CACNA1S: variants seen among roughly 807,000 people sequenced by gnomAD.
CACNA1S encodes voltage-dependent L-type calcium channel subunit alpha-1S.
Under a neutral mutation model 207.4 loss-of-function variants are expected in CACNA1S, and 126 were observed. The ratio of observed to expected loss-of-function variants is 0.61; its 90% CI spans 0.53 to 0.70. The LOEUF (loss-of-function observed/expected upper bound fraction) is 0.70. CACNA1S is among the 30% of genes least tolerant of loss of function. The pLI is 0.00. For missense variants in CACNA1S, 2,349 were observed against 2,422.8 expected (o/e 0.97, Z 0.64); for synonymous variants, 960 against 932.7 (o/e 1.03, Z -0.53).
intron 8 of CACNA1S, 146 bp from the exon 9 acceptor site, chr1:201,085,177 C>T: frequency 2.6e-6 from 2 of 758,656 alleles, no homozygotes; most frequent in Admixed American, 4.1e-5. Context: ...TTCGTGCTTT[C>T]CAGAGACTGA....
intron 13 of CACNA1S, among the ~76,000 whole-genome samples, 167 bp downstream of exon 13, chr1:201,075,328 T>A (rs981533762): frequency 6.6e-6 from 1 of 152,220 alleles, no homozygotes; most frequent in Non-Finnish European, 1.5e-5. Context: ...ATCCTACAGC[T>A]GTACCTGCAT....
chr1:201,103,224 T>C (rs7412462), intron 2 of CACNA1S, among the ~76,000 whole-genome samples: 103,029 of 147,720 alleles, frequency 0.7, 36,693 homozygotes, highest in African/African-American at 0.86. Context: ...CCAGTCTGGG[T>C]GACAGAGGAG....
chr1:201,084,956 T>A lies in CACNA1S; in HGVS notation c.1226A>T (p.Gln409Leu). ...YEIAGLNKIIQFIRHWRQWNR... is the reference protein window; with the variant it reads ...YEIAGLNKIILFIRHWRQWNR... ...GCAGTGGGCAGATACTCACATGAAC[T>A]GGATGATTTTGTTCAAGCCTGCAAT... is the stretch of plus-strand genomic sequence containing the variant. The change falls in exon 9 of 44, where the codon CAG becomes CTG. Residue 409 changes from glutamine to leucine, a missense_variant. Physicochemically the swap from Gln to Leu is moderately radical, Grantham distance 113. Coordinates refer to ENST00000362061, the MANE Select transcript of CACNA1S (RefSeq NM_000069.3). 1.2e-6 allele frequency: 2 copies of A among 1,611,402 alleles called. No homozygotes were observed. Among genetic ancestry groups the A allele is most frequent in the Non-Finnish European group, 1.7e-6 (2 of 1,178,352 alleles).
intron 28 of CACNA1S, 76 bp downstream of exon 28, chr1:201,058,332 A>T (rs1270123667): frequency 8.0e-7 from 1 of 1,253,204 alleles, no homozygotes; most frequent in East Asian, 2.3e-5. Context: ...CACAGTGGGC[A>T]CCCCACAAAT....
At chr1:201,104,782 A>C (rs1382140684) in intron 2 of CACNA1S, among the ~76,000 whole-genome samples, 1 of 152,208 alleles carries the variant, frequency 6.6e-6, no homozygotes, top group African/African-American at 2.4e-5. Context: ...GAAGTCTGAT[A>C]ATTGTTTTTG....
chr1:201,040,167 AC>A, intron 43 of CACNA1S, 63 bp downstream of exon 43: 1 of 1,611,976 alleles, frequency 6.2e-7, no homozygotes, highest in Non-Finnish European at 8.5e-7. Flanking sequence ...CCCTCTCTCC[AC>A]GCCAGGCCAT....
intron 38 of CACNA1S, 64 bp from the exon 39 acceptor site, chr1:201,044,520 T>C (rs1224901968): frequency 6.3e-7 from 1 of 1,586,046 alleles, no homozygotes; most frequent in Non-Finnish European, 8.6e-7. Flanking sequence ...AACCACTTTT[T>C]CTTTTTTTGA....
Position 201,043,482 on chromosome 1 carries a change from T to G in CACNA1S, c.4847A>C (p.Asn1616Thr). 6.2e-7 allele frequency: 1 copy of G among 1,613,368 alleles called. No individual in the cohort carries two copies. Among genetic ancestry groups the G allele is most frequent in the Non-Finnish European group, 8.5e-7 (1 of 1,179,856 alleles). Reference protein sequence around the residue: ...GQVDNFLERTNSLPPVMANQR... With the variant: ...GQVDNFLERTTSLPPVMANQR... Reference sequence around the variant, plus strand: ...ATTGGCCATGACGGGGGGCAGGGAGTTGGTCCTTTCCAGGAAGTTGTCCAC... The same window carrying G: ...ATTGGCCATGACGGGGGGCAGGGAGGTGGTCCTTTCCAGGAAGTTGTCCAC... Residue 1616 changes from asparagine (N) to threonine (T), a missense_variant, in exon 40 of 44, where the codon AAC (asparagine) becomes ACC (threonine). Physicochemically the swap from Asn to Thr is moderately conservative, Grantham distance 65 (BLOSUM62 0). Coordinates refer to ENST00000362061, the MANE Select transcript of CACNA1S (RefSeq NM_000069.3).
intron 10 of CACNA1S, among the ~76,000 whole-genome samples, chr1:201,081,435 A>G (rs966430678): frequency 1.3e-5 from 2 of 152,192 alleles, no homozygotes; most frequent in Non-Finnish European, 2.9e-5. Context: ...CTTTTCTCGT[A>G]TCCTACTCGT....
chr1:201,091,691 GC>G lies in CACNA1S; in HGVS notation c.642del (p.Leu215TrpfsTer119). The G allele has an allele frequency of 6.2e-7, 1 of 1,614,222 alleles. No individual in the cohort carries two copies. The highest frequency in any genetic ancestry group is 8.5e-7 in the Non-Finnish European group (1 of 1,180,034). ...LFMVIIYAII[G>X]LELFKGKMHK... ...TGCATCTTGCCCTTGAAGAGCTCCA[GC>G]CCGATGATGGCATAGATGATGACCA... On this transcript the variant is annotated frameshift_variant, in exon 5 of 44. Transcript: ENST00000362061. LOFTEE classifies it high-confidence loss of function.
At chr1:201,087,709 C>T (rs1662084272) in intron 7 of CACNA1S, 117 bp downstream of exon 7, 2 of 731,922 alleles carry the variant, frequency 2.7e-6, no homozygotes, top group Non-Finnish European at 4.8e-6. Context: ...CTCTCCTCCT[C>T]CTCTCCACTC....
intron 2 of CACNA1S, among the ~76,000 whole-genome samples, chr1:201,104,352 C>G (rs12146106): frequency 6.6e-6 from 1 of 152,128 alleles, no homozygotes; most frequent in Non-Finnish European, 1.5e-5. Flanking sequence ...AGAACTACTT[C>G]CCCTCCCCAA....
At chr1:201,098,843 TTA>T (rs1662535385) in intron 2 of CACNA1S, among the ~76,000 whole-genome samples, 1 of 152,178 alleles carries the variant, frequency 6.6e-6, no homozygotes, top group Non-Finnish European at 1.5e-5. Flanking sequence ...AGGGCCTTTA[TTA>T]TTAAATGTCC....
intron 35 of CACNA1S, 65 bp downstream of exon 35, chr1:201,048,938 G>A (rs1395682162): frequency 6.1e-6 from 8 of 1,306,766 alleles, no homozygotes; most frequent in Non-Finnish European, 8.8e-6. Flanking sequence ...GTCCTCACCA[G>A]TTTCCCTCTG....
At chr1:201,064,781 A>G (rs1281880954) in intron 22 of CACNA1S, among the ~76,000 whole-genome samples, 2 of 152,228 alleles carry the variant, frequency 1.3e-5, no homozygotes, top group Non-Finnish European at 2.9e-5. Flanking sequence ...GCTAATTCCT[A>G]GAGAGGAACT....
At chr1:201,068,073 G>T (rs919625307) in intron 19 of CACNA1S, among the ~76,000 whole-genome samples, 2 of 152,008 alleles carry the variant, frequency 1.3e-5, no homozygotes, top group Non-Finnish European at 2.9e-5. Flanking sequence ...GTGACGTGCT[G>T]TGGATAAGGT....
At chr1:201,051,924 T>G (rs1037878159) in intron 32 of CACNA1S, among the ~76,000 whole-genome samples, 2 of 152,214 alleles carry the variant, frequency 1.3e-5, no homozygotes, top group Non-Finnish European at 2.9e-5. Context: ...CCATAAGGGC[T>G]GCAGGCTGCT....
intron 6 of CACNA1S, 31 bp from the exon 7 acceptor site, chr1:201,087,960 T>C (rs781202146): frequency 1.3e-5 from 19 of 1,456,632 alleles, no homozygotes; most frequent in Middle Eastern, 1.7e-4. Flanking sequence ...ATCCTCTGAG[T>C]TGAGGGCTTG....
chr1:201,065,822 G>T lies in CACNA1S; in HGVS notation c.2853+16C>A. 1.3e-6 allele frequency: 2 copies of T among 1,591,880 alleles called. No individual in the cohort carries two copies. The highest frequency in any genetic ancestry group is 1.1e-5 in the South Asian group (1 of 90,576). On this transcript the variant is annotated intron_variant, in intron 22 of 43. Coordinates refer to ENST00000362061, the MANE Select transcript of CACNA1S (RefSeq NM_000069.3). ...GGGAGCGGGAGGGGGAGCTGCTCGC[G>T]CAGGCTGGGGCTCACCTTGAAGAGC...
Sources: allele counts gnomAD v4.1 joint callset (sites outside exome capture counted in the v4.1 genomes callset), GRCh38; gene constraint gnomAD v4.1.1; transcripts MANE v1.5; gene names NCBI Gene and HGNC (gene_info 2026-07-23, HGNC 2026-07-21).